PRIM1: variants seen among roughly 807,000 people sequenced by gnomAD.
PRIM1 encodes the protein DNA primase small subunit.
A neutral mutation model predicts 60.2 loss-of-function variants in PRIM1; 38 were observed. The ratio of observed to expected loss-of-function variants is 0.63; its 90% CI spans 0.49 to 0.83. The LOEUF (loss-of-function observed/expected upper bound fraction) is 0.83. Ranked by LOEUF, PRIM1 falls within the 40% of genes least tolerant of loss-of-function variation. The pLI is 0.00. For synonymous variants in PRIM1, 158 were observed against 160.2 expected (o/e 0.99, Z 0.10); for missense variants, 388 against 506.2 (o/e 0.77, Z 2.24).
At chr12:56,735,373 C>T (rs1278053628) in intron 11 of PRIM1, among the ~76,000 whole-genome samples, 1 of 152,066 alleles carries the variant, frequency 6.6e-6, no homozygotes, top group African/African-American at 2.4e-5. Flanking sequence ...GCTGGGATTA[C>T]AGGCGTGAGC....
intron 6 of PRIM1, 101 bp from the exon 7 acceptor site, chr12:56,743,197 T>A (rs1953884252): frequency 1.5e-6 from 2 of 1,326,578 alleles, no homozygotes; most frequent in South Asian, 1.7e-5. Flanking sequence ...CTTATTTTCA[T>A]GACATTTTCA....
Position 56,731,617 on chromosome 12 carries a change from A to G in PRIM1, c.*98T>C. 2 of 1,141,478 alleles carry G rather than the reference A, an allele frequency of 1.8e-6. No individual in the cohort carries two copies. The highest frequency in any genetic ancestry group is 2.7e-5 in the East Asian group (1 of 37,454). The allele number at this position is 1,141,478 out of a possible 1,614,324, so 70.7% of individuals were successfully genotyped here. ...GAAAATTTACTTTGAGGTTTAAGACACATATATAGTTCTGCCATATTTATT... is the reference window on the plus strand; with the variant it reads ...GAAAATTTACTTTGAGGTTTAAGACGCATATATAGTTCTGCCATATTTATT... On this transcript the variant is annotated 3_prime_UTR_variant, in exon 13 of 13. Coordinates refer to ENST00000338193, the MANE Select transcript of PRIM1 (RefSeq NM_000946.3).
Position 56,738,639 on chromosome 12 carries a change from C to T in PRIM1, c.1053-114G>A, listed in dbSNP as rs1244136895. On this transcript the variant is annotated intron_variant, in intron 10 of 12. Coordinates refer to ENST00000338193, the MANE Select transcript of PRIM1 (RefSeq NM_000946.3). ...CGATCTTGGCTCACTGCAACCTCCGCCTCCCAGGTTCAAGTGATTCTTCTG... is the reference window on the plus strand; with the variant it reads ...CGATCTTGGCTCACTGCAACCTCCGTCTCCCAGGTTCAAGTGATTCTTCTG... The T allele has an allele frequency of 2.9e-6, 3 of 1,044,088 alleles. No homozygotes were observed. In the East Asian group the frequency reaches 8.6e-5, roughly 30 times the overall value. 64.7% of individuals were successfully genotyped at this position (1,044,088 alleles called of 1,614,324 possible).
rs548311511 is a variant in PRIM1, at chr12:56,746,684, G to A, written c.442+97C>T. ...CACACACACACACACACAAATTAAT[G>A]AGATTTGATCACAAAATACAGAGAC... On this transcript the variant is annotated intron_variant, in intron 4 of 12. Transcript: ENST00000338193. 18 of 983,710 alleles carry A rather than the reference G, an allele frequency of 1.8e-5. No individual in the cohort carries two copies. In the Admixed American group the frequency reaches 2.8e-4, roughly 15 times the overall value. The allele number at this position is 983,710 out of a possible 1,614,324, so 60.9% of individuals were successfully genotyped here.
At chr12:56,747,296 T>C (rs1953914992) in intron 2 of PRIM1, among the ~76,000 whole-genome samples, 1 of 152,204 alleles carries the variant, frequency 6.6e-6, no homozygotes, top group South Asian at 2.1e-4. Flanking sequence ...AATAAAGCTG[T>C]TTTTAGTTTT....
At chr12:56,733,491 A>G (rs1336607324) in intron 12 of PRIM1, among the ~76,000 whole-genome samples, 1 of 147,720 alleles carries the variant, frequency 6.8e-6, no homozygotes, top group East Asian at 1.9e-4. Flanking sequence ...GCTACACTGA[A>G]AGGAGTTCAG....
intron 2 of PRIM1, among the ~76,000 whole-genome samples, chr12:56,748,753 C>A (rs972212164): frequency 1.3e-5 from 2 of 151,856 alleles, no homozygotes; most frequent in African/African-American, 4.8e-5. Context: ...GTCAGGAGTT[C>A]GTGACCAGCC....
Position 56,744,019 on chromosome 12 carries a change from C to T in PRIM1, c.638+46G>A, listed in dbSNP as rs73337095. 9,084 of 1,361,822 alleles carry T rather than the reference C, an allele frequency of 6.7e-3. 474 individuals are homozygous for T. In the African/African-American group the frequency reaches 0.11, roughly 17 times the overall value. 84.4% of individuals were successfully genotyped at this position (1,361,822 alleles called of 1,614,324 possible). On this transcript the variant is annotated intron_variant, in intron 6 of 12. Coordinates refer to ENST00000338193, the MANE Select transcript of PRIM1 (RefSeq NM_000946.3). ...GCAAGGTAACTCTAAAGGCACATGC[C>T]GGTAAATCAGACACCTTAAAGTGCT... is the stretch of plus-strand genomic sequence containing the variant.
At chr12:56,747,959 G>A (rs1953920286) in intron 2 of PRIM1, among the ~76,000 whole-genome samples, 1 of 151,980 alleles carries the variant, frequency 6.6e-6, no homozygotes, top group East Asian at 1.9e-4. Flanking sequence ...GTTTAGTGAA[G>A]CTGAGATGAA....
chr12:56,746,659 C>CAT (rs1953909607), intron 4 of PRIM1, 122 bp downstream of exon 4: 1 of 797,374 alleles, frequency 1.3e-6, no homozygotes, highest in African/African-American at 1.8e-5. Context: ...CACACACACA[C>CAT]ACACACACAC....
chr12:56,734,118 A>T, intron 12 of PRIM1, 29 bp downstream of exon 12: 1 of 1,462,298 alleles, frequency 6.8e-7, no homozygotes, highest in Non-Finnish European at 9.5e-7. Context: ...AGATCTAACT[A>T]GATAGAAGGG....
intron 6 of PRIM1, 118 bp downstream of exon 6, chr12:56,743,947 C>T: frequency 1.5e-6 from 1 of 687,918 alleles, no homozygotes; most frequent in Non-Finnish European, 2.4e-6. Context: ...CTCAATTAAC[C>T]ATAGCTATTA....
At chr12:56,733,366 C>T (rs936764355) in intron 12 of PRIM1, among the ~76,000 whole-genome samples, 5 of 151,882 alleles carry the variant, frequency 3.3e-5, no homozygotes, top group Admixed American at 6.6e-5. Flanking sequence ...ACTATGTTGG[C>T]TAGGCTTGTT....
In PRIM1 at chr12:56,746,071, T is replaced by C. The variant is rs1333495452; in HGVS notation, c.553A>G (p.Ile185Val). 1.9e-6 allele frequency: 3 copies of C among 1,611,932 alleles called. No homozygotes were observed. Among genetic ancestry groups the C allele is most frequent in the South Asian group, 2.2e-5 (2 of 90,540 alleles). The change falls in exon 5 of 13, where the codon ATA (isoleucine) becomes GTA (valine). Residue 185 changes from isoleucine to valine, a missense_variant. By Grantham distance (29) the Ile-to-Val change is conservative. Around this residue, in one of 3 missense-constraint regions of PRIM1, gnomAD observed 211 missense variants for 277.9 expected, o/e 0.76. Transcript: ENST00000338193. ...RKLSSAVRSG[I>V]VEYLSLVKGG... ...TTTACAAGGCTCAAATACTCAACTATCCCAGAACGTACTGCAGAAGACAGT... is the reference window on the plus strand; with the variant it reads ...TTTACAAGGCTCAAATACTCAACTACCCCAGAACGTACTGCAGAAGACAGT...
At chr12:56,745,695 T>C (rs962675478) in intron 5 of PRIM1, among the ~76,000 whole-genome samples, 6 of 152,048 alleles carry the variant, frequency 3.9e-5, no homozygotes, top group African/African-American at 1.4e-4. Flanking sequence ...TCCCAGCACT[T>C]TGGGAGGCTG....
chr12:56,741,914 G>C, intron 7 of PRIM1, 77 bp from the exon 8 acceptor site: 1 of 1,239,266 alleles, frequency 8.1e-7, no homozygotes, highest in Non-Finnish European at 1.2e-6. Context: ...ATTACCACAA[G>C]GGTGTCTTAC....
rs772364399 is a variant in PRIM1, at chr12:56,746,840, CAT to C, written c.381_382del (p.Ile127MetfsTer3). The C allele has an allele frequency of 6.2e-7, 1 of 1,613,914 alleles. No individual in the cohort carries two copies. The highest frequency in any genetic ancestry group is 8.5e-7 in the Non-Finnish European group (1 of 1,179,852). On this transcript the variant is annotated frameshift_variant, in exon 4 of 13. Coordinates refer to ENST00000338193, the MANE Select transcript of PRIM1 (RefSeq NM_000946.3). LOFTEE classifies it high-confidence loss of function. The stretch of plus-strand genomic sequence containing the variant: ...TGTCATGAGGGTCCAGCACTTAGGA[CAT>C]ATGTCTGCAGAACTAAAGCAGAGTC...
Position 56,741,493 on chromosome 12 carries a change from A to G in PRIM1, c.924T>C (p.Asn308=). 1.2e-6 allele frequency: 2 copies of G among 1,613,768 alleles called. No individual in the cohort carries two copies. Among genetic ancestry groups the G allele is most frequent in the South Asian group, 1.1e-5 (1 of 91,074 alleles). ...GTAGATGATTGATTCCTTTGCTGAC[A>G]TTGATATCCAGCCGTGGAAAACAGT... The part of the protein sequence containing the change: ...LQYCFPRLDI[N]VSKGINHLLK... The change falls in exon 9 of 13, where the codon AAT becomes AAC. Residue 308 remains asparagine (N), a synonymous_variant. Coordinates refer to ENST00000338193, the MANE Select transcript of PRIM1 (RefSeq NM_000946.3).
At chr12:56,737,355 T>TA (rs1391661165) in intron 11 of PRIM1, among the ~76,000 whole-genome samples, 5 of 151,522 alleles carry the variant, frequency 3.3e-5, no homozygotes, top group African/African-American at 1.2e-4. Context: ...CGGCATCTTT[T>TA]TTTTTTTTTT....
Sources: allele counts gnomAD v4.1 joint callset (sites outside exome capture counted in the v4.1 genomes callset), GRCh38; gene constraint gnomAD v4.1.1; regional missense constraint gnomAD v4.1.1; transcripts MANE v1.5; gene names NCBI Gene and HGNC (gene_info 2026-07-23, HGNC 2026-07-21).